CERS6: variants seen among roughly 807,000 people sequenced by gnomAD.
CERS6 encodes the protein LAG1 homolog, ceramide synthase 6.
Under a neutral mutation model 56.8 loss-of-function variants are expected in CERS6, and 26 were observed. The ratio of observed to expected loss-of-function variants is 0.46; its 90% CI spans 0.34 to 0.63. The LOEUF (loss-of-function observed/expected upper bound fraction) is 0.63. Ranked by LOEUF, CERS6 falls within the 30% of genes least tolerant of loss-of-function variation. The pLI, the probability that CERS6 is intolerant of heterozygous loss-of-function variation, is 0.01. For synonymous variants in CERS6, 164 were observed against 173.3 expected (o/e 0.95, Z 0.42); for missense variants, 415 against 467.5 (o/e 0.89, Z 1.04).
intron 4 of CERS6, among the ~76,000 whole-genome samples, chr2:168,655,699 C>T (rs993099212): frequency 6.6e-6 from 1 of 152,124 alleles, no homozygotes; most frequent in South Asian, 2.1e-4. Flanking sequence ...AATAAAACAG[C>T]AGCGGGTAGG....
intron 3 of CERS6, among the ~76,000 whole-genome samples, chr2:168,605,923 G>A (rs993524651): frequency 1.3e-5 from 2 of 152,334 alleles, no homozygotes; most frequent in Admixed American, 6.5e-5. Flanking sequence ...CCTGTACTAG[G>A]GCAGTGCAGA....
chr2:168,585,284 A>T (rs529602757), intron 3 of CERS6, among the ~76,000 whole-genome samples: 95 of 152,350 alleles, frequency 6.2e-4, no homozygotes, highest in African/African-American at 2.2e-3. Context: ...TCACTCATTC[A>T]TCTAACAGTA....
chr2:168,544,552 CA>C lies in CERS6; in HGVS notation c.171-3043del, dbSNP rs760178442. Among the ~76,000 whole-genome samples, 26 of 152,194 alleles carry C rather than the reference CA, an allele frequency of 1.7e-4. 1 individual carries two copies. The highest frequency in any genetic ancestry group is 1.2e-3 in the Admixed American group (18 of 15,296). The stretch of plus-strand genomic sequence containing the variant: ...AACTCTTCTGTGGGAAGTGTGGCCA[CA>C]GCATTCTGGGGGTCATTGGGTTGGA... On this transcript the variant is annotated intron_variant, in intron 1 of 9. Coordinates refer to ENST00000305747, the MANE Select transcript of CERS6 (RefSeq NM_203463.3).
At chr2:168,646,149 TC>T (rs1685195015) in intron 4 of CERS6, among the ~76,000 whole-genome samples, 1 of 152,230 alleles carries the variant, frequency 6.6e-6, no homozygotes, top group Non-Finnish European at 1.5e-5. Context: ...TAATTTGCAC[TC>T]CCATCAACAG....
chr2:168,478,136 A>G (rs897556501), intron 1 of CERS6, among the ~76,000 whole-genome samples: 1 of 151,390 alleles, frequency 6.6e-6, no homozygotes, highest in Non-Finnish European at 1.5e-5. Context: ...TCCTTAGAGT[A>G]CTTTCTCTTG....
chr2:168,648,081 A>T (rs1243171297), intron 4 of CERS6, among the ~76,000 whole-genome samples: 1 of 152,138 alleles, frequency 6.6e-6, no homozygotes, highest in African/African-American at 2.4e-5. Context: ...TAGTTTCTGT[A>T]GGAACGGTAC....
intron 1 of CERS6, among the ~76,000 whole-genome samples, chr2:168,536,390 T>G (rs1437401779): frequency 6.6e-6 from 1 of 152,174 alleles, no homozygotes; most frequent in Non-Finnish European, 1.5e-5. Flanking sequence ...CAACATTGTA[T>G]TGTTTTGGAG....
intron 6 of CERS6, among the ~76,000 whole-genome samples, chr2:168,708,118 T>C (rs1687003886): frequency 6.6e-6 from 1 of 152,154 alleles, no homozygotes; most frequent in South Asian, 2.1e-4. Flanking sequence ...CTCCAAAGGC[T>C]GAGAAGCTAT....
chr2:168,475,844 C>T (rs947924206), intron 1 of CERS6, among the ~76,000 whole-genome samples: 1 of 152,048 alleles, frequency 6.6e-6, no homozygotes, highest in South Asian at 2.1e-4. Context: ...TTCTGTGGGT[C>T]GTGTTTGGTC....
intron 3 of CERS6, among the ~76,000 whole-genome samples, chr2:168,561,963 A>G (rs1342193555): frequency 2.6e-5 from 4 of 152,296 alleles, no homozygotes; most frequent in Middle Eastern, 3.4e-3. Context: ...GCACTTACCT[A>G]TAGGAAAACC....
At chr2:168,550,296 C>T (rs1420800585) in intron 2 of CERS6, among the ~76,000 whole-genome samples, 1 of 152,110 alleles carries the variant, frequency 6.6e-6, no homozygotes, top group Non-Finnish European at 1.5e-5. Flanking sequence ...TTGCTTCAGC[C>T]TCTCAAGTAG....
chr2:168,503,529 A>G (rs1694621543), intron 1 of CERS6, among the ~76,000 whole-genome samples: 2 of 152,216 alleles, frequency 1.3e-5, no homozygotes, highest in Admixed American at 6.5e-5. Context: ...AGGGAATTCC[A>G]TTATTAATGT....
At chr2:168,675,100 A>C (rs1387551242) in intron 4 of CERS6, among the ~76,000 whole-genome samples, 2 of 151,812 alleles carry the variant, frequency 1.3e-5, no homozygotes. Context: ...CAGCCTCCCA[A>C]GTAGTTGGGA....
At chr2:168,748,565 C>T (rs1403088083) in intron 8 of CERS6, among the ~76,000 whole-genome samples, 2 of 152,154 alleles carry the variant, frequency 1.3e-5, no homozygotes, top group Admixed American at 6.5e-5. Context: ...ACGCCCCCAC[C>T]GAATGGCTGG....
chr2:168,480,938 T>C (rs556964168), intron 1 of CERS6, among the ~76,000 whole-genome samples: 1 of 152,282 alleles, frequency 6.6e-6, no homozygotes, highest in South Asian at 2.1e-4. Context: ...GTTAGAAAGA[T>C]AGCCGGGAAT....
chr2:168,555,786 G>C (rs1241515208), intron 2 of CERS6, among the ~76,000 whole-genome samples: 1 of 145,330 alleles, frequency 6.9e-6, no homozygotes, highest in African/African-American at 2.6e-5. Context: ...CAAATTAAAA[G>C]AACTAAACTG....
At chr2:168,603,639 C>T (rs1422504670) in intron 3 of CERS6, among the ~76,000 whole-genome samples, 1 of 152,222 alleles carries the variant, frequency 6.6e-6, no homozygotes, top group African/African-American at 2.4e-5. Context: ...GATGCGGCTA[C>T]AGGTGTAGCT....
At chr2:168,719,205 A>T (rs552191084) in intron 8 of CERS6, among the ~76,000 whole-genome samples, 1 of 152,322 alleles carries the variant, frequency 6.6e-6, no homozygotes, top group South Asian at 2.1e-4. Flanking sequence ...TTTACAGTTG[A>T]ATTCCTACAG....
chr2:168,636,529 G>T (rs1173124304), intron 4 of CERS6, among the ~76,000 whole-genome samples: 1 of 152,090 alleles, frequency 6.6e-6, no homozygotes, highest in East Asian at 1.9e-4. Context: ...GGTGGTCTCT[G>T]CTGGGAATTA....
Sources: gnomAD v4.1 joint callset for allele counts (sites outside exome capture counted in the v4.1 genomes callset) on GRCh38, gnomAD v4.1.1 for gene constraint, MANE v1.5 for transcripts, NCBI Gene and HGNC (gene_info 2026-07-23, HGNC 2026-07-21) for gene names.